RERE: variants seen among roughly 807,000 people sequenced by gnomAD.
RERE encodes arginine-glutamic acid dipeptide repeats protein.
RERE carries 40 observed loss-of-function variants against 146.1 expected under a neutral mutation model. The ratio of observed to expected loss-of-function variants is 0.27; its 90% confidence interval spans 0.21 to 0.36. The LOEUF is 0.36. RERE is among the 10% of genes least tolerant of loss of function. The pLI is 1.00. For missense variants in RERE, 1,933 were observed against 2,138.7 expected, an observed-to-expected ratio of 0.90 and a Z score of 1.90; for synonymous variants, 1,003 against 866.0, an observed-to-expected ratio of 1.16 and a Z score of -2.78.
intron 12 of RERE, among the ~76,000 whole-genome samples, chr1:8,414,321 C>T (rs930826714): frequency 2.0e-5 from 3 of 151,790 alleles, no homozygotes; most frequent in African/African-American, 4.8e-5. Flanking sequence ...CAGAGGCGGG[C>T]GAATCATGAG....
intron 2 of RERE, among the ~76,000 whole-genome samples, chr1:8,647,418 CAT>C (rs368070349): frequency 1.6e-4 from 24 of 151,980 alleles, no homozygotes; most frequent in Middle Eastern, 3.4e-3. Flanking sequence ...GAATTTGTCA[CAT>C]GTCGGAAAAA....
rs561348385 is a variant in RERE, at chr1:8,804,893, C to T, written c.-145+12267G>A. On this transcript the variant is annotated intron_variant, in intron 1 of 22. Coordinates refer to ENST00000400908, the MANE Select transcript of RERE (RefSeq NM_001042681.2). ...AAGCCATTGTTATTTTTGGTTTCTA[C>T]CACTCACTGCTGAATCTAATCCTAT... is the stretch of plus-strand genomic sequence containing the variant. Among the ~76,000 whole-genome samples, 29 of 152,196 alleles carry T rather than the reference C, an allele frequency of 1.9e-4. No homozygotes were observed. The South Asian group carries it at 5.8e-3, about 30-fold the overall frequency.
At chr1:8,715,080 G>A (rs868295213) in intron 1 of RERE, among the ~76,000 whole-genome samples, 6 of 151,886 alleles carry the variant, frequency 4.0e-5, no homozygotes, top group South Asian at 4.2e-4. Flanking sequence ...CACCATGTTC[G>A]CCAGGATGCT....
chr1:8,583,042 T>C (rs1424110440), intron 4 of RERE, among the ~76,000 whole-genome samples: 1 of 152,202 alleles, frequency 6.6e-6, no homozygotes, highest in Non-Finnish European at 1.5e-5. Context: ...GTCTTCAGTA[T>C]CTATTTCTCC....
rs1162160182 is a variant in RERE at position 8,361,476 on chromosome 1, G to A, written c.2031C>T (p.Pro677=). 1.2e-6 allele frequency: 2 copies of A among 1,611,582 alleles called. No individual in the cohort carries two copies. Among genetic ancestry groups the A allele is most frequent in the African/African-American group, 2.7e-5 (2 of 75,034 alleles). ...KKTKTQEISR[P]NSPSEGEGES... is the part of the protein sequence containing the mutation. Reference sequence around the variant, plus strand: ...CTCCCTCACCTTCAGATGGCGAGTTGGGCCTGCTGATCTCCTGGAGTCAGA... The same window carrying A: ...CTCCCTCACCTTCAGATGGCGAGTTAGGCCTGCTGATCTCCTGGAGTCAGA... Residue 677 remains proline, a synonymous_variant, in exon 18 of 23, where the codon CCC becomes CCT. Coordinates refer to ENST00000400908, the MANE Select transcript of RERE (RefSeq NM_001042681.2).
At chr1:8,706,625 A>G (rs1218922482) in intron 1 of RERE, among the ~76,000 whole-genome samples, 2 of 152,212 alleles carry the variant, frequency 1.3e-5, no homozygotes, top group Non-Finnish European at 2.9e-5. Flanking sequence ...GCTTCTCAGA[A>G]TGCAAAAGCA....
chr1:8,604,980 T>C (rs1045587072), intron 4 of RERE, among the ~76,000 whole-genome samples: 2 of 152,332 alleles, frequency 1.3e-5, no homozygotes, highest in African/African-American at 4.8e-5. Flanking sequence ...TTGCCACCCA[T>C]ACAGCTGATA....
At chr1:8,671,930 T>C (rs1243389425) in intron 1 of RERE, among the ~76,000 whole-genome samples, 1 of 152,046 alleles carries the variant, frequency 6.6e-6, no homozygotes, top group Non-Finnish European at 1.5e-5. Context: ...TCATGAGAAA[T>C]ATATGATTAC....
rs550582941 is a variant in RERE, at chr1:8,353,366, G to T, written c.*1721C>A. ...TTGAGCCAGTAGCTGCTGGTTTCTA[G>T]ATCAAACTATCAGCATCTCTTCCTG... On this transcript the variant is annotated 3_prime_UTR_variant, in exon 23 of 23. Coordinates refer to ENST00000400908, the MANE Select transcript of RERE (RefSeq NM_001042681.2). 6.6e-6 allele frequency: 1 copy of T among 152,370 alleles called. No homozygotes were observed. The highest frequency in any genetic ancestry group is 2.1e-4 in the South Asian group (1 of 4,830). The allele number at this position is 152,370 out of a possible 1,614,324, so 9.4% of individuals were successfully genotyped here.
rs114241498 is a variant in RERE, at chr1:8,728,358, C to A, written c.-144-71917G>T. ...ATTTAAGAACTTATTAAAAGGCAGG[C>A]TTTACCATGCACCACTGGTAGTATA... On this transcript the variant is annotated intron_variant, in intron 1 of 22. Coordinates refer to ENST00000400908, the MANE Select transcript of RERE (RefSeq NM_001042681.2). Among the ~76,000 whole-genome samples the A allele has an allele frequency of 6.3e-3, 954 of 152,056 alleles. 4 individuals carry two copies. The highest frequency in any genetic ancestry group is 9.4e-3 in the Non-Finnish European group (641 of 67,998).
At chr1:8,759,288 C>T (rs1456891377) in intron 1 of RERE, among the ~76,000 whole-genome samples, 2 of 152,130 alleles carry the variant, frequency 1.3e-5, no homozygotes, top group Non-Finnish European at 2.9e-5. Flanking sequence ...ATTACTAAAT[C>T]GGACACTACA....
intron 12 of RERE, among the ~76,000 whole-genome samples, chr1:8,375,858 C>A (rs1425597405): frequency 7.0e-6 from 1 of 142,688 alleles, no homozygotes; most frequent in Non-Finnish European, 1.5e-5. Flanking sequence ...AACAAGCAAA[C>A]AACATTTTAC....
At chr1:8,547,420 G>A (rs1645877316) in intron 6 of RERE, among the ~76,000 whole-genome samples, 1 of 151,820 alleles carries the variant, frequency 6.6e-6, no homozygotes, top group South Asian at 2.1e-4. Context: ...AATTTGATTA[G>A]ATAAAAATAC....
chr1:8,555,460 T>A (rs1199708258), intron 6 of RERE, among the ~76,000 whole-genome samples: 2 of 152,192 alleles, frequency 1.3e-5, no homozygotes, highest in Admixed American at 1.3e-4. Context: ...TAACTGACTT[T>A]AGCTATGTAG....
intron 6 of RERE, among the ~76,000 whole-genome samples, chr1:8,542,011 C>A (rs1339385038): frequency 6.6e-6 from 1 of 152,146 alleles, no homozygotes. Context: ...GTTAAACCAA[C>A]CTGTAGTTGA....
chr1:8,463,847 G>A (rs61787920), intron 11 of RERE, among the ~76,000 whole-genome samples: 1 of 152,362 alleles, frequency 6.6e-6, no homozygotes, highest in Middle Eastern at 3.4e-3. Context: ...AGCTGACAAG[G>A]CCCTGAGGCC....
chr1:8,746,811 A>T (rs1398039402), intron 1 of RERE, among the ~76,000 whole-genome samples: 3 of 133,076 alleles, frequency 2.3e-5, no homozygotes, highest in Non-Finnish European at 4.8e-5. Flanking sequence ...TATGGGGGGG[A>T]AGTGAGAGAG....
chr1:8,474,356 T>C (rs1476211624), intron 10 of RERE, among the ~76,000 whole-genome samples: 2 of 152,204 alleles, frequency 1.3e-5, no homozygotes, highest in African/African-American at 4.8e-5. Flanking sequence ...CCTTAACGCA[T>C]GGTTATAAAG....
At chr1:8,561,313 AAAC>A (rs1271096675) in intron 4 of RERE, among the ~76,000 whole-genome samples, 1 of 152,264 alleles carries the variant, frequency 6.6e-6, no homozygotes, top group Non-Finnish European at 1.5e-5. Flanking sequence ...GACTGGAAGT[AAAC>A]AACAATTTGA....
Sources: allele counts gnomAD v4.1 joint callset (sites outside exome capture counted in the v4.1 genomes callset), GRCh38; gene constraint gnomAD v4.1.1; transcripts MANE v1.5; gene names NCBI Gene and HGNC (gene_info 2026-07-23, HGNC 2026-07-21).